ABTB3: variants seen among roughly 807,000 people sequenced by gnomAD.
ABTB3 encodes ankyrin repeat and BTB domain containing 3.
At chr12:107,555,496 T>G in the ABTB3 span, among the ~76,000 whole-genome samples, 15 of 152,224 alleles carry the variant, frequency 9.9e-5, no homozygotes, top group Admixed American at 9.8e-4. Flanking sequence ...CAGGTCTTTT[T>G]GGAATCCAAC....
chr12:107,472,419 T>C, the ABTB3 span, among the ~76,000 whole-genome samples: 2 of 152,228 alleles, frequency 1.3e-5, no homozygotes, highest in African/African-American at 4.8e-5. Context: ...CAACAAGCTA[T>C]AGGGAGAGGG....
the ABTB3 span, among the ~76,000 whole-genome samples, chr12:107,457,629 G>A: frequency 6.6e-6 from 1 of 152,136 alleles, no homozygotes; most frequent in Non-Finnish European, 1.5e-5. Flanking sequence ...CCCAACACAG[G>A]GACAGAGTCC....
chr12:107,431,965 A>T, the ABTB3 span, among the ~76,000 whole-genome samples: 28 of 152,282 alleles, frequency 1.8e-4, no homozygotes, highest in East Asian at 5.0e-3. Context: ...TTGCAGGTGG[A>T]GGTCATTAAG....
At chr12:107,610,245 AAGTTTAAGCAGG>A in the ABTB3 span, 1 of 1,614,186 alleles carries the variant, frequency 6.2e-7, no homozygotes, top group Non-Finnish European at 8.5e-7. Context: ...CATCGAAGCC[AAGTTTAAGCAGG>A]ACCTGGGTTT....
chr12:107,481,416 C>G, the ABTB3 span, among the ~76,000 whole-genome samples: 1 of 152,142 alleles, frequency 6.6e-6, no homozygotes, highest in East Asian at 1.9e-4. Flanking sequence ...CCTCTGAGCA[C>G]CAGGTTGCAT....
At chr12:107,390,430 G>T in the ABTB3 span, among the ~76,000 whole-genome samples, 1 of 152,208 alleles carries the variant, frequency 6.6e-6, no homozygotes, top group Non-Finnish European at 1.5e-5. Flanking sequence ...TTTCCTCTAT[G>T]ACATCCTCTC....
At chr12:107,521,886 T>C in the ABTB3 span, among the ~76,000 whole-genome samples, 8 of 152,176 alleles carry the variant, frequency 5.3e-5, no homozygotes, top group East Asian at 1.4e-3. Flanking sequence ...TCTATGACCA[T>C]TGTATTTAAA....
chr12:107,501,240 T>C, the ABTB3 span, among the ~76,000 whole-genome samples: 1 of 152,166 alleles, frequency 6.6e-6, no homozygotes, highest in African/African-American at 2.4e-5. Flanking sequence ...ATTATTATTA[T>C]CTTGCTGCAA....
the ABTB3 span, among the ~76,000 whole-genome samples, chr12:107,389,501 C>T: frequency 6.6e-6 from 1 of 152,160 alleles, no homozygotes. Flanking sequence ...ATTCTGCCCC[C>T]AACAAGAGGT....
the ABTB3 span, among the ~76,000 whole-genome samples, chr12:107,541,635 A>G: frequency 6.6e-6 from 1 of 152,248 alleles, no homozygotes; most frequent in African/African-American, 2.4e-5. Flanking sequence ...TAAAGCCTTC[A>G]ATTAATTGAT....
the ABTB3 span, among the ~76,000 whole-genome samples, chr12:107,648,411 CA>C: frequency 6.6e-6 from 1 of 150,802 alleles, no homozygotes; most frequent in Admixed American, 6.6e-5. Flanking sequence ...CACACACACA[CA>C]CAAAGACAAT....
At chr12:107,574,265 T>C in the ABTB3 span, among the ~76,000 whole-genome samples, 1 of 152,320 alleles carries the variant, frequency 6.6e-6, no homozygotes, top group Admixed American at 6.5e-5. Flanking sequence ...TTCTATTCCA[T>C]TGTCTCCTGG....
the ABTB3 span, among the ~76,000 whole-genome samples, chr12:107,623,005 C>T: frequency 6.6e-6 from 1 of 151,432 alleles, no homozygotes; most frequent in African/African-American, 2.4e-5. Context: ...AGGAGCAGAA[C>T]AATATATTCA....
At chr12:107,635,235 G>A in the ABTB3 span, 2 of 1,542,878 alleles carry the variant, frequency 1.3e-6, no homozygotes, top group South Asian at 1.1e-5. Context: ...CAGCTTGACT[G>A]AGGCTGGCCA....
chr12:107,560,142 C>A, the ABTB3 span, among the ~76,000 whole-genome samples: 1 of 152,170 alleles, frequency 6.6e-6, no homozygotes, highest in Non-Finnish European at 1.5e-5. Flanking sequence ...TTAATGACTG[C>A]AGAATATTCC....
At chr12:107,656,376 G>A in the ABTB3 span, among the ~76,000 whole-genome samples, 1 of 152,054 alleles carries the variant, frequency 6.6e-6, no homozygotes, top group African/African-American at 2.4e-5. Context: ...GACATGTTCT[G>A]TAAAGGGCCA....
chr12:107,428,925 GC>G, the ABTB3 span, among the ~76,000 whole-genome samples: 2 of 152,332 alleles, frequency 1.3e-5, no homozygotes, highest in South Asian at 4.1e-4. Context: ...AAAAATGGAG[GC>G]CGAGAGAGGC....
At chr12:107,615,796 C>A in the ABTB3 span, among the ~76,000 whole-genome samples, 2 of 152,182 alleles carry the variant, frequency 1.3e-5, no homozygotes, top group Non-Finnish European at 2.9e-5. Context: ...GTTCAGTGAA[C>A]AGCCATACGG....
the ABTB3 span, among the ~76,000 whole-genome samples, chr12:107,391,117 C>G: frequency 6.6e-6 from 1 of 152,136 alleles, no homozygotes; most frequent in African/African-American, 2.4e-5. Flanking sequence ...CACTGCTGCA[C>G]TCTAGCCTAG....
Sources: allele counts gnomAD v4.1 joint callset (sites outside exome capture counted in the v4.1 genomes callset), GRCh38; gene constraint gnomAD v4.1.1; transcripts MANE v1.5; gene names NCBI Gene and HGNC (gene_info 2026-07-23, HGNC 2026-07-21).